Variants in MALRD1 observed in about 807,000 individuals in gnomAD.
MALRD1 encodes the protein MAM and LDL receptor class A domain containing 1, also known as MAM and LDL-receptor class A domain-containing protein 1.
MALRD1 carries 247 observed loss-of-function variants against 242.1 expected under a neutral mutation model. The observed-to-expected ratio is 1.02, with a 90% CI of 0.92 to 1.13. The LOEUF (loss-of-function observed/expected upper bound fraction) is 1.13. Among genes scored for constraint, MALRD1 ranks in the 50% most tolerant of loss-of-function variants. MALRD1 has a pLI of 0.00. For synonymous variants in MALRD1, 995 were observed against 866.6 expected (o/e 1.15, Z -2.60); for missense variants, 2,989 against 2,533.1 (o/e 1.18, Z -3.86).
rs549112451 is a variant in MALRD1 at position 19,548,748 on chromosome 10, A to G, written c.5478+17397A>G. On this transcript the variant is annotated intron_variant, in intron 32 of 39. Transcript: ENST00000454679. ...TCACTCCCTCTCTTCGGGCCTCCCT[A>G]TTTCCTGAGACAAGACCACATCCAA... Among the ~76,000 whole-genome samples, 24 of 152,230 alleles carry G rather than the reference A, an allele frequency of 1.6e-4. No individual in the cohort carries two copies. The South Asian group carries it at 3.9e-3, about 25-fold the overall frequency.
intron 4 of MALRD1, 80 bp from the exon 5 acceptor site, chr10:19,103,899 C>T (rs1159139677): frequency 7.4e-6 from 6 of 810,082 alleles, no homozygotes; most frequent in Middle Eastern, 2.6e-4. Flanking sequence ...CTATTGCAGG[C>T]TCTCTTTTAT....
At chr10:19,570,177 C>T (rs917218348) in intron 33 of MALRD1, among the ~76,000 whole-genome samples, 1 of 151,928 alleles carries the variant, frequency 6.6e-6, no homozygotes, top group Non-Finnish European at 1.5e-5. Flanking sequence ...TCTCCCAAGC[C>T]CCATTCTCTC....
intron 29 of MALRD1, among the ~76,000 whole-genome samples, chr10:19,483,590 G>A (rs1837111137): frequency 6.6e-6 from 1 of 152,114 alleles, no homozygotes; most frequent in Non-Finnish European, 1.5e-5. Flanking sequence ...GCCACAATGA[G>A]ATACCATTTC....
Position 19,127,586 on chromosome 10 carries a change from A to G in MALRD1, c.944-635A>G, listed in dbSNP as rs538102660. Among the ~76,000 whole-genome samples, 4 of 152,272 alleles carry G rather than the reference A, an allele frequency of 2.6e-5. No homozygotes were observed. The East Asian group carries it at 7.7e-4, about 29-fold the overall frequency. On this transcript the variant is annotated intron_variant, in intron 7 of 39. Transcript: ENST00000454679. Reference sequence around the variant, plus strand: ...AAAATGAAGTTGTAAAATTATAGAAATCTCTTTATAAATCTGTGTTGTCAT... The same window carrying G: ...AAAATGAAGTTGTAAAATTATAGAAGTCTCTTTATAAATCTGTGTTGTCAT...
At chr10:19,471,415 G>A (rs546931610) in intron 29 of MALRD1, among the ~76,000 whole-genome samples, 2 of 151,854 alleles carry the variant, frequency 1.3e-5, no homozygotes, top group African/African-American at 4.8e-5. Flanking sequence ...TGTCTAATCA[G>A]GGTATTTTGT....
chr10:19,553,181 C>G (rs894519260), intron 32 of MALRD1, among the ~76,000 whole-genome samples: 1 of 151,922 alleles, frequency 6.6e-6, no homozygotes, highest in African/African-American at 2.4e-5. Context: ...GTGCAGCCCT[C>G]AAGAAACTGT....
At chr10:19,492,639 CT>C (rs2131223220) in intron 30 of MALRD1, among the ~76,000 whole-genome samples, 1 of 152,292 alleles carries the variant, frequency 6.6e-6, no homozygotes, top group Non-Finnish European at 1.5e-5. Context: ...CTGGCTTCTA[CT>C]AGAAAGTGTC....
chr10:19,523,600 G>A (rs1029292946), intron 31 of MALRD1, among the ~76,000 whole-genome samples: 3 of 152,146 alleles, frequency 2.0e-5, no homozygotes, highest in South Asian at 4.1e-4. Context: ...TCATAAAGAG[G>A]TTTTTCAGGG....
intron 33 of MALRD1, 113 bp downstream of exon 33, chr10:19,567,816 A>G: frequency 1.1e-6 from 1 of 944,270 alleles, no homozygotes; most frequent in Non-Finnish European, 1.6e-6. Context: ...AGTTCTATTT[A>G]CACATGGAAA....
At chr10:19,352,824 G>C (rs1307381024) in intron 26 of MALRD1, among the ~76,000 whole-genome samples, 1 of 152,074 alleles carries the variant, frequency 6.6e-6, no homozygotes, top group Non-Finnish European at 1.5e-5. Context: ...TTACTCAAAT[G>C]TTGAGTTGGC....
intron 34 of MALRD1, among the ~76,000 whole-genome samples, chr10:19,597,285 T>C (rs1406015900): frequency 6.6e-6 from 1 of 152,202 alleles, no homozygotes; most frequent in Non-Finnish European, 1.5e-5. Flanking sequence ...AAGTTCAATA[T>C]AGCCATATGA....
chr10:19,260,161 A>G (rs1839685152), intron 19 of MALRD1, among the ~76,000 whole-genome samples: 1 of 152,222 alleles, frequency 6.6e-6, no homozygotes, highest in Admixed American at 6.5e-5. Context: ...CAGATACTAT[A>G]GTATATGTCA....
At chr10:19,342,902 G>T (rs184503977) in intron 24 of MALRD1, among the ~76,000 whole-genome samples, 1 of 152,018 alleles carries the variant, frequency 6.6e-6, no homozygotes, top group African/African-American at 2.4e-5. Flanking sequence ...AAATCAGGTC[G>T]TTGACAGAGA....
rs370747412 is a variant in MALRD1 at position 19,433,167 on chromosome 10, A to G, written c.4846-17140A>G. Reference sequence around the variant, plus strand: ...AGGTTATCATACCAGGGAAAACTGTATATAAGTATAGTAAGTGCTAAGAAG... The same window carrying G: ...AGGTTATCATACCAGGGAAAACTGTGTATAAGTATAGTAAGTGCTAAGAAG... On this transcript the variant is annotated intron_variant, in intron 28 of 39. Transcript: ENST00000454679. Among the ~76,000 whole-genome samples, 313 of 152,348 alleles carry G rather than the reference A, an allele frequency of 2.1e-3. 2 individuals carry two copies. Among genetic ancestry groups the G allele is most frequent in the African/African-American group, 7.2e-3 (300 of 41,584 alleles).
At chr10:19,258,197 A>T (rs112194134) in intron 19 of MALRD1, among the ~76,000 whole-genome samples, 2,784 of 152,210 alleles carry the variant, frequency 0.018, 30 homozygotes, top group Middle Eastern at 0.037. Context: ...TTATGGTTTT[A>T]TGTCTATTAA....
At position 19,163,137 on chromosome 10, in the gene MALRD1, T is replaced by TG. The variant is rs1491309752; in HGVS notation, c.1657-2500_1657-2499insG. On this transcript the variant is annotated intron_variant, in intron 12 of 39. Coordinates refer to ENST00000454679, the MANE Select transcript of MALRD1 (RefSeq NM_001142308.3). ...TGAACAACTGGAGTGAAACCCTGTC[T>TG]AAAAAAAAAAAAAAAAAAAAAAAAA... Among the ~76,000 whole-genome samples the TG allele has an allele frequency of 5.4e-3, 237 of 43,844 alleles. 12 individuals are homozygous for TG. The Middle Eastern group carries it at 0.1, about 18-fold the overall frequency. 28.8% of individuals were successfully genotyped at this position (43,844 alleles called of 152,430 possible).
chr10:19,194,213 TAA>T (rs1278030139), intron 14 of MALRD1, among the ~76,000 whole-genome samples: 3 of 152,182 alleles, frequency 2.0e-5, no homozygotes, highest in African/African-American at 7.2e-5. Context: ...CTGATGTGCC[TAA>T]GTTATATTTA....
intron 28 of MALRD1, among the ~76,000 whole-genome samples, chr10:19,414,384 C>T (rs538333300): frequency 6.6e-6 from 1 of 152,162 alleles, no homozygotes; most frequent in South Asian, 2.1e-4. Flanking sequence ...GTTTGTGACT[C>T]AGAATTGGGA....
chr10:19,149,697 G>A lies in MALRD1; in HGVS notation c.1558+3353G>A, dbSNP rs139549264. Reference sequence around the variant, plus strand: ...TTTTCATTTTTTATGATAAAGTATTGGTTAAATGTAAAATTCAACCATTTT... The same window carrying A: ...TTTTCATTTTTTATGATAAAGTATTAGTTAAATGTAAAATTCAACCATTTT... On this transcript the variant is annotated intron_variant, in intron 11 of 39. Transcript: ENST00000454679. 7.2e-4 allele frequency among the ~76,000 whole-genome samples: 109 copies of A among 151,688 alleles called. 2 individuals are homozygous for A. The East Asian group carries it at 0.018, about 25-fold the overall frequency.
Sources: allele counts gnomAD v4.1 joint callset (sites outside exome capture counted in the v4.1 genomes callset), GRCh38; gene constraint gnomAD v4.1.1; transcripts MANE v1.5; gene names NCBI Gene and HGNC (gene_info 2026-07-23, HGNC 2026-07-21).